Variants in CACNB4 observed in about 807,000 individuals in gnomAD.
The protein encoded by CACNB4 is voltage-dependent L-type calcium channel subunit beta-4.
In CACNB4, 32 loss-of-function variants were observed where a neutral mutation model predicts 71.2. That is an observed-to-expected ratio of 0.45 (90% CI 0.34 to 0.60). CACNB4 has a LOEUF of 0.60. CACNB4 is among the 20% of genes least tolerant of loss of function. CACNB4 has a pLI of 0.01. For synonymous variants in CACNB4, 231 were observed against 236.9 expected (o/e 0.97, Z 0.23); for missense variants, 464 against 647.9 (o/e 0.72, Z 3.08).
Position 151,834,754 on chromosome 2 carries a change from T to C in CACNB4, c.*4365A>G, listed in dbSNP as rs1040190288. The C allele has an allele frequency of 1.6e-4, 25 of 151,922 alleles. No homozygotes were observed. The highest frequency in any genetic ancestry group is 2.8e-4 in the Non-Finnish European group (19 of 67,838). 9.4% of individuals were successfully genotyped at this position (151,922 alleles called of 1,614,324 possible). ...AAGAAGAGGACTGTTCTCTGCCCCA[T>C]AGACACAGCTTGAGTAAGTAACTTA... On this transcript the variant is annotated 3_prime_UTR_variant, in exon 14 of 14. Coordinates refer to ENST00000539935, the MANE Select transcript of CACNB4 (RefSeq NM_000726.5).
chr2:152,075,470 A>G lies in CACNB4; in HGVS notation c.147+22860T>C, dbSNP rs114428116. On this transcript the variant is annotated intron_variant, in intron 2 of 13. Transcript: ENST00000539935. ...GATGAGGCTGTACAGAGGCTGTGAC[A>G]TATATGCAATCATGAAGAAAAGGAG... Among the ~76,000 whole-genome samples the G allele has an allele frequency of 9.2e-3, 1,408 of 152,370 alleles. 28 individuals are homozygous for G. Among genetic ancestry groups the G allele is most frequent in the African/African-American group, 0.032 (1,324 of 41,582 alleles).
intron 2 of CACNB4, among the ~76,000 whole-genome samples, chr2:151,937,454 G>A (rs997570460): frequency 6.6e-6 from 1 of 152,198 alleles, no homozygotes; most frequent in Admixed American, 6.5e-5. Flanking sequence ...GGAGGGATCT[G>A]AGATGCCAAG....
intron 3 of CACNB4, among the ~76,000 whole-genome samples, chr2:151,882,683 C>T (rs1199615816): frequency 6.6e-6 from 1 of 152,194 alleles, no homozygotes; most frequent in Non-Finnish European, 1.5e-5. Flanking sequence ...TTGCTGCTTC[C>T]TGTGGATGCA....
At position 151,963,261 on chromosome 2, in the gene CACNB4, G is replaced by A. The variant is rs568670068; in HGVS notation, c.148-79891C>T. On this transcript the variant is annotated intron_variant, in intron 2 of 13. Coordinates refer to ENST00000539935, the MANE Select transcript of CACNB4 (RefSeq NM_000726.5). ...TGGGAGACGGAGCTTGTAGTGAGCC[G>A]AGATTGCGCCACTGCACTCCAGCCT... is the stretch of plus-strand genomic sequence containing the variant. 3.0e-3 allele frequency among the ~76,000 whole-genome samples: 436 copies of A among 145,764 alleles called. 1 individual carries two copies. The highest frequency in any genetic ancestry group is 5.3e-3 in the Non-Finnish European group (357 of 67,250).
chr2:151,993,020 C>G (rs1424639188), intron 2 of CACNB4, among the ~76,000 whole-genome samples: 1 of 152,128 alleles, frequency 6.6e-6, no homozygotes, highest in African/African-American at 2.4e-5. Flanking sequence ...CTCACACCCA[C>G]GAAAAGGACT....
At chr2:151,949,226 T>C (rs2099866304) in intron 2 of CACNB4, among the ~76,000 whole-genome samples, 1 of 150,624 alleles carries the variant, frequency 6.6e-6, no homozygotes, top group Non-Finnish European at 1.5e-5. Context: ...CATCCTGACC[T>C]AAGAGGACTG....
At chr2:151,869,974 C>A in intron 8 of CACNB4, 1 of 517,388 alleles carries the variant, frequency 1.9e-6, no homozygotes, top group Non-Finnish European at 3.4e-6. Context: ...GAAACGAAGT[C>A]TCTACTCTTT....
intron 2 of CACNB4, among the ~76,000 whole-genome samples, chr2:151,915,955 G>A (rs943973154): frequency 1.3e-5 from 2 of 152,158 alleles, no homozygotes; most frequent in African/African-American, 4.8e-5. Flanking sequence ...TCTCTGGGGG[G>A]ATAGTGCGCT....
chr2:151,860,629 G>T, intron 10 of CACNB4, 82 bp downstream of exon 10: 1 of 947,248 alleles, frequency 1.1e-6, no homozygotes, highest in Non-Finnish European at 1.7e-6. Context: ...GGAACAAATT[G>T]AAAAAGACAT....
Position 151,890,383 on chromosome 2 carries a change from A to T in CACNB4, c.148-7013T>A, listed in dbSNP as rs1198051855. ...GTTAAAGGGAAGCGGAAGAGAATGA[A>T]TGTTTGCTCATCCCTTACTAACTTA... On this transcript the variant is annotated intron_variant, in intron 2 of 13. Coordinates refer to ENST00000539935, the MANE Select transcript of CACNB4 (RefSeq NM_000726.5). Among the ~76,000 whole-genome samples, 7 of 152,204 alleles carry T rather than the reference A, an allele frequency of 4.6e-5. No individual in the cohort carries two copies. The East Asian group carries it at 1.3e-3, about 29-fold the overall frequency.
At position 151,833,686 on chromosome 2, in the gene CACNB4, T is replaced by C. The variant is rs563567053; in HGVS notation, c.*5433A>G. 4.6e-5 allele frequency: 7 copies of C among 152,184 alleles called. No homozygotes were observed. In the East Asian group the frequency reaches 1.3e-3, roughly 29 times the overall value. 9.4% of individuals were successfully genotyped at this position (152,184 alleles called of 1,614,324 possible). On this transcript the variant is annotated 3_prime_UTR_variant, in exon 14 of 14. Coordinates refer to ENST00000539935, the MANE Select transcript of CACNB4 (RefSeq NM_000726.5). ...TAGATGAAGTAAATCTGACAAAACT[T>C]AGAACTAAATCGACATACTTTTAAA...
chr2:152,090,553 G>A (rs1171301191), intron 2 of CACNB4, among the ~76,000 whole-genome samples: 1 of 151,612 alleles, frequency 6.6e-6, no homozygotes, highest in Non-Finnish European at 1.5e-5. Flanking sequence ...TGAGGCAGGA[G>A]AATTGCTTGA....
At position 152,001,441 on chromosome 2, in the gene CACNB4, C is replaced by T. The variant is rs994176300; in HGVS notation, c.147+96889G>A. 7.5e-5 allele frequency among the ~76,000 whole-genome samples: 11 copies of T among 146,608 alleles called. No homozygotes were observed. The East Asian group carries it at 2.2e-3, about 30-fold the overall frequency. On this transcript the variant is annotated intron_variant, in intron 2 of 13. Transcript: ENST00000539935. Reference sequence around the variant, plus strand: ...CGGTGGCGCATGCCTGTAATCCCAGCACTTTAGGAGGCCAAGACAGGTGGA... The same window carrying T: ...CGGTGGCGCATGCCTGTAATCCCAGTACTTTAGGAGGCCAAGACAGGTGGA...
intron 10 of CACNB4, chr2:151,859,151 A>G (rs2099841022): frequency 2.0e-5 from 3 of 152,342 alleles, no homozygotes; most frequent in Admixed American, 2.0e-4. Context: ...AATTAATTCC[A>G]ATGGTTGTGG....
At chr2:151,940,350 A>G (rs1359237370) in intron 2 of CACNB4, among the ~76,000 whole-genome samples, 1 of 152,234 alleles carries the variant, frequency 6.6e-6, no homozygotes, top group Non-Finnish European at 1.5e-5. Context: ...TATACAGAAA[A>G]TGGGTAAGTG....
intron 2 of CACNB4, among the ~76,000 whole-genome samples, chr2:152,008,222 A>T (rs978723011): frequency 1.6e-4 from 25 of 152,024 alleles, no homozygotes; most frequent in East Asian, 1.2e-3. Context: ...AGTGGTGTGA[A>T]CTGTCTACTG....
intron 2 of CACNB4, among the ~76,000 whole-genome samples, chr2:152,029,595 C>T (rs1399600653): frequency 6.6e-6 from 1 of 151,974 alleles, no homozygotes; most frequent in East Asian, 1.9e-4. Flanking sequence ...AGACAACCAC[C>T]TGCAGATTAG....
At chr2:152,008,803 T>C (rs1343444083) in intron 2 of CACNB4, among the ~76,000 whole-genome samples, 1 of 152,154 alleles carries the variant, frequency 6.6e-6, no homozygotes, top group Non-Finnish European at 1.5e-5. Flanking sequence ...TTGTTGGGAA[T>C]GCAAAATCTC....
intron 2 of CACNB4, among the ~76,000 whole-genome samples, chr2:152,067,732 T>G (rs1482063269): frequency 6.6e-6 from 1 of 152,154 alleles, no homozygotes; most frequent in African/African-American, 2.4e-5. Context: ...GTAAGTAGGA[T>G]AGCAATCATC....
Sources: gnomAD v4.1 joint callset for allele counts (sites outside exome capture counted in the v4.1 genomes callset) on GRCh38, gnomAD v4.1.1 for gene constraint, MANE v1.5 for transcripts, NCBI Gene and HGNC (gene_info 2026-07-23, HGNC 2026-07-21) for gene names.